PXK: variants seen among roughly 807,000 people sequenced by gnomAD.
PXK encodes PX domain containing serine/threonine kinase like.
PXK carries 35 observed loss-of-function variants against 84.7 expected under a neutral mutation model. The observed-to-expected ratio is 0.41, with a 90% CI of 0.32 to 0.55. The LOEUF (loss-of-function observed/expected upper bound fraction) is 0.55, where lower values mean the gene tolerates loss of function less well. PXK is among the 20% of genes least tolerant of loss of function. The pLI is 0.21. For missense variants in PXK, 634 were observed against 699.7 expected, an observed-to-expected ratio of 0.91 and a Z score of 1.06; for synonymous variants, 253 against 260.8, an observed-to-expected ratio of 0.97 and a Z score of 0.29.
chr3:58,368,609 A>C (rs563693154), intron 2 of PXK, among the ~76,000 whole-genome samples: 1 of 152,326 alleles, frequency 6.6e-6, no homozygotes, highest in Admixed American at 6.5e-5. Context: ...GTCACAAGCC[A>C]CTGTGCCCAG....
In PXK at chr3:58,416,578, G is replaced by A. The variant is rs746648812; in HGVS notation, c.1528+3615G>A. On this transcript the variant is annotated intron_variant, in intron 17 of 17. Transcript: ENST00000356151. The surrounding 1 kb of genome is among the most constrained non-coding windows in gnomAD (Gnocchi z 4.8). The stretch of plus-strand genomic sequence containing the variant: ...TTACATAGGCTTGCTCTGCCTTCAA[G>A]GCCTCTGCAGAGTGAGAGCAGGAGG... Among the ~76,000 whole-genome samples the A allele has an allele frequency of 9.4e-6, 1 of 106,418 alleles. No individual in the cohort carries two copies. The highest frequency in any genetic ancestry group is 2.0e-5 in the Non-Finnish European group (1 of 49,010). The allele number at this position is 106,418 out of a possible 152,430, so 69.8% of individuals were successfully genotyped here.
intron 1 of PXK, among the ~76,000 whole-genome samples, chr3:58,339,791 A>T (rs2097695090): frequency 6.6e-6 from 1 of 151,014 alleles, no homozygotes; most frequent in Admixed American, 6.6e-5. Flanking sequence ...ATGGATTGTG[A>T]TCTTGAGATT....
chr3:58,425,248 T>C lies in PXK; in HGVS notation c.*288T>C. 2.8e-6 allele frequency: 1 copy of C among 354,100 alleles called. No homozygotes were observed. Among genetic ancestry groups the C allele is most frequent in the Non-Finnish European group, 5.3e-6 (1 of 189,608 alleles). The allele number at this position is 354,100 out of a possible 1,614,324, so 21.9% of individuals were successfully genotyped here. A position where few individuals can be genotyped will look rare whatever the true frequency, so the allele number is the denominator to read the frequency against. Reference sequence around the variant, plus strand: ...TTGGGACAGCAGCATATTGAAATATTTTCACCAACTAAAGGAAATAGACAG... The same window carrying C: ...TTGGGACAGCAGCATATTGAAATATCTTCACCAACTAAAGGAAATAGACAG... On this transcript the variant is annotated 3_prime_UTR_variant, in exon 18 of 18. Transcript: ENST00000356151.
chr3:58,409,390 C>G lies in PXK; in HGVS notation c.1309-142C>G. Reference sequence around the variant, plus strand: ...TACTCCTCTACCTGGCATCCAGACCCGAGCCAGGAAGTAGACAGCCTGAGC... The same window carrying G: ...TACTCCTCTACCTGGCATCCAGACCGGAGCCAGGAAGTAGACAGCCTGAGC... On this transcript the variant is annotated intron_variant, in intron 14 of 17. Coordinates refer to ENST00000356151, the MANE Select transcript of PXK (RefSeq NM_017771.5). This position sits in a 1 kb window ranked among gnomAD's most constrained non-coding sequence, Gnocchi z 4.2. The G allele has an allele frequency of 2.5e-6, 2 of 791,468 alleles. No individual in the cohort carries two copies. The highest frequency in any genetic ancestry group is 4.2e-6 in the Non-Finnish European group (2 of 478,014). 49.0% of individuals were successfully genotyped at this position (791,468 alleles called of 1,614,324 possible). A position where few individuals can be genotyped will look rare whatever the true frequency, so the allele number is the denominator to read the frequency against.
chr3:58,387,733 A>G (rs2098569274), intron 4 of PXK, among the ~76,000 whole-genome samples: 1 of 152,174 alleles, frequency 6.6e-6, no homozygotes, highest in African/African-American at 2.4e-5. Context: ...TAGCCCTAAT[A>G]GAGGACATTC....
At position 58,397,299 on chromosome 3, in the gene PXK, A is replaced by T; in HGVS notation, c.984+99A>T. 7.1e-7 allele frequency: 1 copy of T among 1,400,426 alleles called. No individual in the cohort carries two copies. Among genetic ancestry groups the T allele is most frequent in the Non-Finnish European group, 9.9e-7 (1 of 1,009,378 alleles). The allele number at this position is 1,400,426 out of a possible 1,614,324, so 86.7% of individuals were successfully genotyped here. A position where few individuals can be genotyped will look rare whatever the true frequency, so the allele number is the denominator to read the frequency against. On this transcript the variant is annotated intron_variant, in intron 10 of 17. Coordinates refer to ENST00000356151, the MANE Select transcript of PXK (RefSeq NM_017771.5). The surrounding 1 kb of genome is among the most constrained non-coding windows in gnomAD (Gnocchi z 4.7). The stretch of plus-strand genomic sequence containing the variant: ...AAATATGCACCAAGTAGTGAAAGGT[A>T]TAGTTGGGACAGGCCTTGCCCGTCA...
chr3:58,348,269 G>T (rs2097856418), intron 1 of PXK, among the ~76,000 whole-genome samples: 1 of 152,204 alleles, frequency 6.6e-6, no homozygotes, highest in South Asian at 2.1e-4. Flanking sequence ...CTGATCTGTT[G>T]TCAGGGCCTA....
intron 17 of PXK, among the ~76,000 whole-genome samples, chr3:58,419,396 C>T (rs1175095492): frequency 2.6e-5 from 4 of 152,244 alleles, no homozygotes; most frequent in Admixed American, 1.3e-4. Context: ...GGATTACAGG[C>T]GCCCACCACC....
intron 13 of PXK, among the ~76,000 whole-genome samples, chr3:58,406,408 G>A (rs2059416548): frequency 6.6e-6 from 1 of 151,668 alleles, no homozygotes; most frequent in South Asian, 2.1e-4. Flanking sequence ...CTGTTGAGTA[G>A]CTGGGACAAC....
chr3:58,418,177 C>A (rs562867932), intron 17 of PXK, among the ~76,000 whole-genome samples: 2 of 152,218 alleles, frequency 1.3e-5, no homozygotes, highest in African/African-American at 4.8e-5. Flanking sequence ...AAGCAGAGGA[C>A]CCTAAATTGT....
chr3:58,394,960 G>T (rs1163190996), intron 7 of PXK, 38 bp from the exon 8 acceptor site: 7 of 1,502,042 alleles, frequency 4.7e-6, no homozygotes, highest in Non-Finnish European at 6.5e-6. Flanking sequence ...CCTAGATCCT[G>T]ACGCAAATCA....
chr3:58,372,184 T>C (rs1313550732), intron 3 of PXK, among the ~76,000 whole-genome samples: 1 of 152,236 alleles, frequency 6.6e-6, no homozygotes, highest in Non-Finnish European at 1.5e-5. Flanking sequence ...AAAATGTTAA[T>C]GGTGATCCCC....
intron 3 of PXK, among the ~76,000 whole-genome samples, chr3:58,381,555 C>CAAAAA (rs34125797): frequency 1.7e-5 from 2 of 120,912 alleles, no homozygotes; most frequent in African/African-American, 3.1e-5. Flanking sequence ...AATAGAAAAC[C>CAAAAA]AAAAAAAAAA....
rs909009368 is a variant in PXK, at chr3:58,384,171, T to C, written c.388+1471T>C. ...AGCCCTTGAGGCTGGTGACTCACAG[T>C]GTGGTTCTCTGACCAGCAGCATTGG... On this transcript the variant is annotated intron_variant, in intron 4 of 17. Transcript: ENST00000356151. Among the ~76,000 whole-genome samples the C allele has an allele frequency of 5.9e-5, 9 of 152,322 alleles. 1 individual carries two copies. In the South Asian group the frequency reaches 1.9e-3, roughly 32 times the overall value.
At chr3:58,402,595 A>G (rs1403265669) in intron 12 of PXK, among the ~76,000 whole-genome samples, 1 of 150,568 alleles carries the variant, frequency 6.6e-6, no homozygotes, top group Non-Finnish European at 1.5e-5. Context: ...ATGCCCGGCT[A>G]GTTTTTGTAT....
chr3:58,403,850 T>G lies in PXK; in HGVS notation c.1182-12T>G. ...TTCAAGAAAGATTTTTGTTTGTTTC[T>G]TTTCTTTACAGATTATTCAGCGATG... On this transcript the variant is annotated splice_polypyrimidine_tract_variant and intron_variant, in intron 12 of 17. Transcript: ENST00000356151. 1 of 1,525,402 alleles carries G rather than the reference T, an allele frequency of 6.6e-7. No homozygotes were observed. The highest frequency in any genetic ancestry group is 1.4e-5 in the African/African-American group (1 of 73,524). The allele number at this position is 1,525,402 out of a possible 1,614,324, so 94.5% of individuals were successfully genotyped here.
Position 58,370,871 on chromosome 3 carries a change from G to A in PXK, c.201+1393G>A, listed in dbSNP as rs1282374815. On this transcript the variant is annotated intron_variant, in intron 3 of 17. Transcript: ENST00000356151. The surrounding 1 kb of genome is among the most constrained non-coding windows in gnomAD (Gnocchi z 4.2). ...AAAATTAGCTGGGTGTGGTGTGGGC[G>A]CCTGTAATCCCAGCTACTCAGGGGG... is the stretch of plus-strand genomic sequence containing the variant. Among the ~76,000 whole-genome samples the A allele has an allele frequency of 1.3e-5, 2 of 152,082 alleles. No homozygotes were observed. The highest frequency in any genetic ancestry group is 2.1e-4 in the South Asian group (1 of 4,822).
chr3:58,358,354 C>T (rs1160363178), intron 1 of PXK, among the ~76,000 whole-genome samples: 2 of 152,182 alleles, frequency 1.3e-5, no homozygotes, highest in South Asian at 2.1e-4. Flanking sequence ...GAGGCTCATT[C>T]TTAATGTTCC....
At chr3:58,335,188 C>T (rs1307011269) in intron 1 of PXK, among the ~76,000 whole-genome samples, 1 of 151,974 alleles carries the variant, frequency 6.6e-6, no homozygotes, top group Non-Finnish European at 1.5e-5. Flanking sequence ...CAGATCTTTT[C>T]TTTAAAAAAT....
Sources: gnomAD v4.1 joint callset for allele counts (sites outside exome capture counted in the v4.1 genomes callset) on GRCh38, gnomAD v4.1.1 for gene constraint, Gnocchi (gnomAD v3.1) non-coding constraint, MANE v1.5 for transcripts, NCBI Gene and HGNC (gene_info 2026-07-23, HGNC 2026-07-21) for gene names.